MARCHF2: variants seen among roughly 807,000 people sequenced by gnomAD.
MARCHF2 encodes the protein E3 ubiquitin-protein ligase MARCHF2.
A neutral mutation model predicts 24.0 loss-of-function variants in MARCHF2; 22 were observed. That is an observed-to-expected ratio of 0.92 (90% CI 0.66 to 1.31). The LOEUF is 1.31. Ranked by LOEUF, MARCHF2 falls within the 50% of genes most tolerant of loss-of-function variation. The pLI is 0.00. For synonymous variants in MARCHF2, 154 were observed against 153.0 expected, an observed-to-expected ratio of 1.01 and a Z score of -0.05; for missense variants, 301 against 335.3, an observed-to-expected ratio of 0.90 and a Z score of 0.80.
Position 8,435,050 on chromosome 19 carries a change from C to T in MARCHF2, c.583-3338C>T, listed in dbSNP as rs546948992. On this transcript the variant is annotated intron_variant, in intron 4 of 4. Coordinates refer to ENST00000215555, the MANE Select transcript of MARCHF2 (RefSeq NM_001005415.2). Reference sequence around the variant, plus strand: ...TTTTTTTTTTTTTGAGACAGAGTCTCGCTCTGTCACCAGGCTAGAGTGTAG... The same window carrying T: ...TTTTTTTTTTTTTGAGACAGAGTCTTGCTCTGTCACCAGGCTAGAGTGTAG... Among the ~76,000 whole-genome samples, 7 of 141,098 alleles carry T rather than the reference C, an allele frequency of 5.0e-5. No homozygotes were observed. The East Asian group carries it at 6.3e-4, about 13-fold the overall frequency. The allele number at this position is 141,098 out of a possible 152,430, so 92.6% of individuals were successfully genotyped here.
intron 1 of MARCHF2, among the ~76,000 whole-genome samples, chr19:8,419,438 G>A (rs190215648): frequency 2.0e-3 from 307 of 152,186 alleles, no homozygotes; most frequent in African/African-American, 7.0e-3. Flanking sequence ...AGGTTGCAGT[G>A]AGCCAAGATC....
chr19:8,431,035 A>C, intron 4 of MARCHF2, 168 bp downstream of exon 4: 1 of 667,666 alleles, frequency 1.5e-6, no homozygotes, highest in South Asian at 1.9e-5. Context: ...CAGGAGCTTG[A>C]GATTCCAAAT....
At position 8,430,851 on chromosome 19, in the gene MARCHF2, A is replaced by G. The variant is rs369120944; in HGVS notation, c.566A>G (p.Tyr189Cys). The change falls in exon 4 of 5, where the codon TAT becomes TGT. Residue 189 changes from tyrosine to cysteine, a missense_variant. Coordinates refer to ENST00000215555, the MANE Select transcript of MARCHF2 (RefSeq NM_001005415.2). The surrounding 1 kb of genome is among the most constrained non-coding windows in gnomAD (Gnocchi z 4.4). Reference sequence around the variant, plus strand: ...CTCACCATCGCCCTCTTCACCATCTATGTCCTCTGGACGCTGGTGAGTGGC... The same window carrying G: ...CTCACCATCGCCCTCTTCACCATCTGTGTCCTCTGGACGCTGGTGAGTGGC... ...IALTIALFTIYVLWTLVSFRY... is the reference protein window; with the variant it reads ...IALTIALFTICVLWTLVSFRY... 124 of 1,607,000 alleles carry G rather than the reference A, an allele frequency of 7.7e-5. No homozygotes were observed. The highest frequency in any genetic ancestry group is 1.0e-4 in the Non-Finnish European group (120 of 1,178,622).
Position 8,438,059 on chromosome 19 carries a change from C to T in MARCHF2, c.583-329C>T, listed in dbSNP as rs914611572. ...GGGATTACAGGTGTGAGCCACCTCG[C>T]CCGGCCTGATTGATTGACATTTAAT... On this transcript the variant is annotated intron_variant, in intron 4 of 4. Transcript: ENST00000215555. 5.3e-5 allele frequency among the ~76,000 whole-genome samples: 8 copies of T among 152,266 alleles called. No homozygotes were observed. In the South Asian group the frequency reaches 8.3e-4, roughly 16 times the overall value.
At chr19:8,419,442 C>T (rs1300649167) in intron 1 of MARCHF2, among the ~76,000 whole-genome samples, 4 of 145,236 alleles carry the variant, frequency 2.8e-5, no homozygotes, top group East Asian at 2.1e-4. Flanking sequence ...TGCAGTGAGC[C>T]AAGATCGCGC....
In MARCHF2 at chr19:8,415,643, C is replaced by A. The variant is rs139552924; in HGVS notation, c.-53+2223C>A. ...GGTTGAGGCAGGAGAATCGCTTGAA[C>A]CTGGGAGGCGGAGGTTGCAGAGAAC... is the stretch of plus-strand genomic sequence containing the variant. On this transcript the variant is annotated intron_variant, in intron 1 of 4. Transcript: ENST00000215555. Among the ~76,000 whole-genome samples, 968 of 140,618 alleles carry A rather than the reference C, an allele frequency of 6.9e-3. 4 individuals carry two copies. Among genetic ancestry groups the A allele is most frequent in the Non-Finnish European group, 0.011 (713 of 66,142 alleles). The allele number at this position is 140,618 out of a possible 152,430, so 92.3% of individuals were successfully genotyped here. A position where few individuals can be genotyped will look rare whatever the true frequency, so the allele number is the denominator to read the frequency against.
At chr19:8,434,877 T>G (rs1967672155) in intron 4 of MARCHF2, among the ~76,000 whole-genome samples, 1 of 151,914 alleles carries the variant, frequency 6.6e-6, no homozygotes, top group Non-Finnish European at 1.5e-5. Context: ...GGCTAATTTT[T>G]GTATTTTTAG....
chr19:8,422,036 A>C lies in MARCHF2; in HGVS notation c.176+20A>C, dbSNP rs1278678495. 6.3e-7 allele frequency: 1 copy of C among 1,591,984 alleles called. No individual in the cohort carries two copies. Among genetic ancestry groups the C allele is most frequent in the African/African-American group, 1.3e-5 (1 of 74,336 alleles). Reference sequence around the variant, plus strand: ...ACCGAGGTGAGTGGTGACTGCGTGGATATCCTGGCCTTTGTTGCCTCTTCT... The same window carrying C: ...ACCGAGGTGAGTGGTGACTGCGTGGCTATCCTGGCCTTTGTTGCCTCTTCT... On this transcript the variant is annotated intron_variant, in intron 2 of 4. Transcript: ENST00000215555.
Position 8,426,482 on chromosome 19 carries a change from T to C in MARCHF2, c.177-127T>C. Reference sequence around the variant, plus strand: ...GGGAAGGACATTTAGAGCTGGGCATTGAAGGATGAGTAGGAGTTCACTAAG... The same window carrying C: ...GGGAAGGACATTTAGAGCTGGGCATCGAAGGATGAGTAGGAGTTCACTAAG... On this transcript the variant is annotated intron_variant, in intron 2 of 4. Transcript: ENST00000215555. 10 of 714,946 alleles carry C rather than the reference T, an allele frequency of 1.4e-5. No individual in the cohort carries two copies. The South Asian group carries it at 1.7e-4, about 12-fold the overall frequency. 44.3% of individuals were successfully genotyped at this position (714,946 alleles called of 1,614,324 possible).
chr19:8,414,465 C>T (rs1255261067), intron 1 of MARCHF2, among the ~76,000 whole-genome samples: 1 of 152,132 alleles, frequency 6.6e-6, no homozygotes, highest in Non-Finnish European at 1.5e-5. Context: ...AACGGGGTTT[C>T]ACCATGTTGA....
At chr19:8,435,716 T>A (rs1599718144) in intron 4 of MARCHF2, among the ~76,000 whole-genome samples, 1 of 151,316 alleles carries the variant, frequency 6.6e-6, no homozygotes, top group Non-Finnish European at 1.5e-5. Context: ...GTTTTTGTAT[T>A]TTTTGTAGAG....
intron 1 of MARCHF2, among the ~76,000 whole-genome samples, chr19:8,415,445 G>A (rs1231526495): frequency 2.0e-5 from 3 of 150,182 alleles, no homozygotes; most frequent in South Asian, 2.1e-4. Context: ...TAGGCCAGGC[G>A]CGGTGACTCA....
At chr19:8,422,083 C>G (rs916774146) in intron 2 of MARCHF2, 67 bp downstream of exon 2, 3 of 1,511,032 alleles carry the variant, frequency 2.0e-6, no homozygotes, top group Non-Finnish European at 1.8e-6. Flanking sequence ...GTGAGTTTCT[C>G]CCAGCCTGGG....
chr19:8,430,597 C>A lies in MARCHF2; in HGVS notation c.373-61C>A. On this transcript the variant is annotated intron_variant, in intron 3 of 4. Transcript: ENST00000215555. The surrounding 1 kb of genome is among the most constrained non-coding windows in gnomAD (Gnocchi z 4.4). The stretch of plus-strand genomic sequence containing the variant: ...GGCCTAGGCCTGGAGGTCCTTACCC[C>A]TCCCCCTCAGTAGCCCCTTCTCTGC... 1.4e-6 allele frequency: 2 copies of A among 1,418,140 alleles called. No homozygotes were observed. Among genetic ancestry groups the A allele is most frequent in the Non-Finnish European group, 2.0e-6 (2 of 1,017,588 alleles). 87.8% of individuals were successfully genotyped at this position (1,418,140 alleles called of 1,614,324 possible).
At position 8,421,382 on chromosome 19, in the gene MARCHF2, CT is replaced by C. The variant is rs1254772289; in HGVS notation, c.-52-389del. Among the ~76,000 whole-genome samples, 199 of 111,612 alleles carry C rather than the reference CT, an allele frequency of 1.8e-3. 2 individuals carry two copies. The highest frequency in any genetic ancestry group is 5.2e-3 in the African/African-American group (156 of 30,068). 73.2% of individuals were successfully genotyped at this position (111,612 alleles called of 152,430 possible). A position where few individuals can be genotyped will look rare whatever the true frequency, so the allele number is the denominator to read the frequency against. On this transcript the variant is annotated intron_variant, in intron 1 of 4. Transcript: ENST00000215555. ...TTTTTTTTACTTTTTTCTTTCTTTT[CT>C]TTTTTTTTTTTTTTTTTGTATTTTT...
At chr19:8,436,158 A>T in intron 4 of MARCHF2, among the ~76,000 whole-genome samples, 1 of 145,370 alleles carries the variant, frequency 6.9e-6, no homozygotes, top group African/African-American at 2.6e-5. Flanking sequence ...TTTGGGGGGG[A>T]CAGAGTCTCA....
In MARCHF2 at chr19:8,427,021, TTTC is replaced by T. The variant is rs377096259; in HGVS notation, c.372+229_372+231del. 2.1e-3 allele frequency among the ~76,000 whole-genome samples: 323 copies of T among 152,192 alleles called. 1 individual carries two copies. Among genetic ancestry groups the T allele is most frequent in the African/African-American group, 6.8e-3 (282 of 41,550 alleles). ...AACCTCTCCCTGTTTTCATTCAGTCTTTCTTCTTCTTCTTTCTTCTTCTTCCTT... is the reference window on the plus strand; with the variant it reads ...AACCTCTCCCTGTTTTCATTCAGTCTTTCTTCTTCTTTCTTCTTCTTCCTT... On this transcript the variant is annotated intron_variant, in intron 3 of 4. Transcript: ENST00000215555.
rs1555693862 is a variant in MARCHF2 at position 8,428,679 on chromosome 19, A to AAAAAC, written c.372+1876_372+1880dup. ...AAAAAAAAAAAAAAAAAAAAAAAAA[A>AAAAAC]AAAACCAAGGCTGGACGTGGTGGCT... On this transcript the variant is annotated intron_variant, in intron 3 of 4. Coordinates refer to ENST00000215555, the MANE Select transcript of MARCHF2 (RefSeq NM_001005415.2). Among the ~76,000 whole-genome samples, 230 of 128,372 alleles carry AAAAAC rather than the reference A, an allele frequency of 1.8e-3. 22 individuals are homozygous for AAAAAC. The highest frequency in any genetic ancestry group is 2.0e-3 in the South Asian group (8 of 3,992). 84.2% of individuals were successfully genotyped at this position (128,372 alleles called of 152,430 possible).
chr19:8,437,010 A>G (rs888265210), intron 4 of MARCHF2, among the ~76,000 whole-genome samples: 16 of 142,684 alleles, frequency 1.1e-4, no homozygotes, highest in African/African-American at 3.9e-4. Context: ...TTTTTTTGAG[A>G]CAGGATCTCA....
Sources: gnomAD v4.1 joint callset for allele counts (sites outside exome capture counted in the v4.1 genomes callset) on GRCh38, gnomAD v4.1.1 for gene constraint, Gnocchi (gnomAD v3.1) non-coding constraint, MANE v1.5 for transcripts, NCBI Gene and HGNC (gene_info 2026-07-23, HGNC 2026-07-21) for gene names.